The following USP34 variants were observed in gnomAD, a reference collection of about 807,000 sequenced individuals.
The protein encoded by USP34 is ubiquitin carboxyl-terminal hydrolase 34.
USP34 carries 70 observed loss-of-function variants against 460.3 expected under a neutral mutation model. That is an observed-to-expected ratio of 0.15 (90% CI 0.13 to 0.19). The LOEUF (loss-of-function observed/expected upper bound fraction) is 0.19, where lower values mean the gene tolerates loss of function less well. USP34 is among the 10% of genes least tolerant of loss of function. The pLI is 1.00. For missense variants in USP34, 3,985 were observed against 4,236.2 expected, an observed-to-expected ratio of 0.94 and a Z score of 1.65; for synonymous variants, 1,647 against 1,405.3, an observed-to-expected ratio of 1.17 and a Z score of -3.85.
rs552861141 is a variant in USP34, at chr2:61,248,297, C to A, written c.6394+214G>T. On this transcript the variant is annotated intron_variant, in intron 49 of 79. Coordinates refer to ENST00000398571, the MANE Select transcript of USP34 (RefSeq NM_014709.4). ...GTGCTTATCCTGTTCACCACTGTGT[C>A]TCCAGTATACAGAAGAGTGCCTAGG... 8.6e-5 allele frequency among the ~76,000 whole-genome samples: 13 copies of A among 151,972 alleles called. No homozygotes were observed. In the South Asian group the frequency reaches 2.7e-3, roughly 32 times the overall value.
intron 1 of USP34, among the ~76,000 whole-genome samples, chr2:61,459,388 G>C (rs1156321308): frequency 6.6e-6 from 1 of 152,128 alleles, no homozygotes; most frequent in Non-Finnish European, 1.5e-5. Context: ...AGCTACAGAA[G>C]TGTATTATCA....
intron 1 of USP34, among the ~76,000 whole-genome samples, chr2:61,467,507 ACCAC>A (rs1238003914): frequency 6.6e-6 from 1 of 151,600 alleles, no homozygotes; most frequent in Non-Finnish European, 1.5e-5. Context: ...CTGGAAACAC[ACCAC>A]CCAAAAATAT....
chr2:61,417,831 T>C (rs914681985), intron 2 of USP34, among the ~76,000 whole-genome samples: 1 of 141,314 alleles, frequency 7.1e-6, no homozygotes, highest in Non-Finnish European at 1.5e-5. Context: ...AACCTCTGCC[T>C]CCCGGGTTCA....
At chr2:61,240,010 C>CAAA (rs10552748) in intron 53 of USP34, among the ~76,000 whole-genome samples, 1 of 104,864 alleles carries the variant, frequency 9.5e-6, no homozygotes, top group Non-Finnish European at 2.0e-5. Context: ...GACTCCTTCT[C>CAAA]AAAAAAAAAA....
intron 10 of USP34, among the ~76,000 whole-genome samples, chr2:61,360,084 G>A (rs1334661615): frequency 6.6e-6 from 1 of 151,840 alleles, no homozygotes; most frequent in Admixed American, 6.6e-5. Flanking sequence ...CATATATAAA[G>A]CACACAAATA....
At chr2:61,467,319 AAAT>A (rs755241430) in intron 1 of USP34, among the ~76,000 whole-genome samples, 19 of 151,926 alleles carry the variant, frequency 1.3e-4, no homozygotes, top group African/African-American at 2.2e-4. Context: ...AAAAATAAAA[AAAT>A]AATAATAATA....
chr2:61,398,065 C>T (rs909178073), intron 3 of USP34, among the ~76,000 whole-genome samples: 4 of 151,666 alleles, frequency 2.6e-5, no homozygotes, highest in Non-Finnish European at 4.4e-5. Flanking sequence ...AGCGAGACTC[C>T]GCCTCCAAAA....
intron 13 of USP34, 54 bp downstream of exon 13, chr2:61,349,196 A>C: frequency 6.4e-7 from 1 of 1,569,300 alleles, no homozygotes; most frequent in South Asian, 1.2e-5. Flanking sequence ...AACTCTAGAA[A>C]ACCACTATAA....
At chr2:61,340,571 G>T (rs897897334) in intron 16 of USP34, among the ~76,000 whole-genome samples, 2 of 152,144 alleles carry the variant, frequency 1.3e-5, no homozygotes, top group Non-Finnish European at 2.9e-5. Flanking sequence ...TAACACCGTA[G>T]TACTGTCACT....
intron 1 of USP34, among the ~76,000 whole-genome samples, chr2:61,468,483 G>A (rs1004255138): frequency 6.6e-6 from 1 of 152,196 alleles, no homozygotes; most frequent in Non-Finnish European, 1.5e-5. Context: ...GCGCCTGGCC[G>A]TAAATTTTTT....
chr2:61,204,448 A>G lies in USP34; in HGVS notation c.9259+49T>C, dbSNP rs180953694. On this transcript the variant is annotated intron_variant, in intron 73 of 79. Transcript: ENST00000398571. ...AAATCTCCATGCTTCAGTGTGCAGA[A>G]CGATTAAATGCGAACCATATTGAAG... 136 of 1,613,060 alleles carry G rather than the reference A, an allele frequency of 8.4e-5. No individual in the cohort carries two copies. In the East Asian group the frequency reaches 2.9e-3, roughly 35 times the overall value.
chr2:61,201,267 G>T (rs1686969195), intron 75 of USP34, among the ~76,000 whole-genome samples: 1 of 145,050 alleles, frequency 6.9e-6, no homozygotes, highest in Non-Finnish European at 1.5e-5. Context: ...CCAGGCTGGA[G>T]TGCAGTGGCT....
chr2:61,314,214 T>C (rs1008867618), intron 25 of USP34, among the ~76,000 whole-genome samples: 1 of 151,676 alleles, frequency 6.6e-6, no homozygotes, highest in African/African-American at 2.4e-5. Flanking sequence ...GATTCAACTA[T>C]GAGATTATTT....
intron 44 of USP34, among the ~76,000 whole-genome samples, chr2:61,257,905 A>C (rs1688763882): frequency 6.6e-6 from 1 of 152,116 alleles, no homozygotes; most frequent in African/African-American, 2.4e-5. Context: ...CAAAAAAAAC[A>C]CTCACATCTA....
intron 5 of USP34, among the ~76,000 whole-genome samples, chr2:61,391,017 T>A (rs1421266711): frequency 3.3e-5 from 5 of 151,700 alleles, no homozygotes; most frequent in African/African-American, 4.8e-5. Context: ...ATCGCTTGAA[T>A]CTGGGAGGCG....
chr2:61,231,329 G>C (rs1687890300), intron 58 of USP34, among the ~76,000 whole-genome samples: 1 of 152,000 alleles, frequency 6.6e-6, no homozygotes, highest in African/African-American at 2.4e-5. Flanking sequence ...CCAAAATTAG[G>C]TAGTAGTGAT....
intron 44 of USP34, among the ~76,000 whole-genome samples, chr2:61,259,458 G>A (rs1009998184): frequency 1.3e-5 from 2 of 151,600 alleles, no homozygotes; most frequent in Non-Finnish European, 2.9e-5. Context: ...TGAGATCTCA[G>A]CTTGCTGCAA....
intron 51 of USP34, among the ~76,000 whole-genome samples, chr2:61,242,458 T>TACATACACACACACAC (rs374067567): frequency 1.5e-5 from 2 of 129,778 alleles, no homozygotes; most frequent in African/African-American, 3.0e-5. Flanking sequence ...AGATAATACA[T>TACATACACACACACAC]ACACACACAC....
intron 5 of USP34, among the ~76,000 whole-genome samples, chr2:61,387,427 T>G (rs1255688232): frequency 6.6e-6 from 1 of 151,658 alleles, no homozygotes; most frequent in Non-Finnish European, 1.5e-5. Flanking sequence ...ATCGCACCAC[T>G]GCACTACATC....
Sources: gnomAD v4.1 joint callset for allele counts (sites outside exome capture counted in the v4.1 genomes callset) on GRCh38, gnomAD v4.1.1 for gene constraint, MANE v1.5 for transcripts, NCBI Gene and HGNC (gene_info 2026-07-23, HGNC 2026-07-21) for gene names.